Variants in PAK5 observed in about 807,000 individuals in gnomAD.
PAK5 encodes p21 (RAC1) activated kinase 5.
A neutral mutation model predicts 65.9 loss-of-function variants in PAK5; 16 were observed. That is an observed-to-expected ratio of 0.24 (90% confidence interval 0.16 to 0.37). The LOEUF is 0.37. Ranked by LOEUF, PAK5 falls within the 10% of genes least tolerant of loss-of-function variation. PAK5 has a pLI of 1.00. For synonymous variants in PAK5, 371 were observed against 354.9 expected (o/e 1.05, Z -0.51); for missense variants, 785 against 903.9 (o/e 0.87, Z 1.69).
rs192672696 is a variant in PAK5 at position 9,641,544 on chromosome 20, C to T, written c.204+2581G>A. 7.7e-3 allele frequency among the ~76,000 whole-genome samples: 1,159 copies of T among 150,822 alleles called. 22 individuals are homozygous for T. Among genetic ancestry groups the T allele is most frequent in the African/African-American group, 0.027 (1,090 of 40,756 alleles). On this transcript the variant is annotated intron_variant, in intron 3 of 9. Coordinates refer to ENST00000353224, the MANE Select transcript of PAK5 (RefSeq NM_177990.4). ...TGGCTTCACCTAGTGGATCCCGCAC[C>T]GGGGCTGCAGGTGGAGCTGCCTGCC...
rs149437765 is a variant in PAK5 at position 9,752,597 on chromosome 20, G to A, written c.-161-41162C>T. On this transcript the variant is annotated intron_variant, in intron 1 of 9. Transcript: ENST00000353224. ...TTTGATCATTACACATTGTATATAT[G>A]CATCAAAATATCACACATAGCCCAT... Among the ~76,000 whole-genome samples the A allele has an allele frequency of 2.6e-4, 40 of 152,056 alleles. No homozygotes were observed. In the East Asian group the frequency reaches 5.0e-3, roughly 19 times the overall value.
intron 3 of PAK5, among the ~76,000 whole-genome samples, chr20:9,643,288 C>T (rs1224311854): frequency 2.6e-5 from 4 of 152,124 alleles, no homozygotes; most frequent in Non-Finnish European, 5.9e-5. Context: ...CCATAGAGAA[C>T]TTTTGGGCAA....
Position 9,736,764 on chromosome 20 carries a change from T to C in PAK5, c.-161-25329A>G, listed in dbSNP as rs547587122. Among the ~76,000 whole-genome samples the C allele has an allele frequency of 3.3e-5, 5 of 152,324 alleles. No individual in the cohort carries two copies. The East Asian group carries it at 7.7e-4, about 23-fold the overall frequency. On this transcript the variant is annotated intron_variant, in intron 1 of 9. Coordinates refer to ENST00000353224, the MANE Select transcript of PAK5 (RefSeq NM_177990.4). ...CGCTTATGTGGCCAAATTGGCTTTG[T>C]CTGTTCAGAGAATTCTGAAGTCTGG...
chr20:9,763,902 A>C (rs1191035150), intron 1 of PAK5, among the ~76,000 whole-genome samples: 1 of 152,166 alleles, frequency 6.6e-6, no homozygotes, highest in Non-Finnish European at 1.5e-5. Context: ...ATATATGCGT[A>C]TCCTTTTTTT....
intron 1 of PAK5, among the ~76,000 whole-genome samples, chr20:9,717,432 G>A (rs1302548813): frequency 6.6e-6 from 1 of 152,142 alleles, no homozygotes; most frequent in Non-Finnish European, 1.5e-5. Flanking sequence ...TTTTTACCAA[G>A]TACAAAACCA....
At chr20:9,802,861 G>A (rs561768999) in intron 1 of PAK5, among the ~76,000 whole-genome samples, 110 of 126,164 alleles carry the variant, frequency 8.7e-4, no homozygotes, top group African/African-American at 2.8e-3. Context: ...AACTAGAAAC[G>A]GGGTTTAATT....
chr20:9,545,953 A>ACACC lies in PAK5; in HGVS notation c.1744-1463_1744-1460dup, dbSNP rs544002018. On this transcript the variant is annotated intron_variant, in intron 7 of 9. Coordinates refer to ENST00000353224, the MANE Select transcript of PAK5 (RefSeq NM_177990.4). ...AAAAAAAACTATCTCTGTGGCTTCAACACCCACAATAGTGCTTGGCCCATG... is the reference window on the plus strand; with the variant it reads ...AAAAAAAACTATCTCTGTGGCTTCAACACCCACCCACAATAGTGCTTGGCCCATG... Among the ~76,000 whole-genome samples, 194 of 152,284 alleles carry ACACC rather than the reference A, an allele frequency of 1.3e-3. 2 individuals carry two copies. In the East Asian group the frequency reaches 0.032, roughly 25 times the overall value.
intron 1 of PAK5, among the ~76,000 whole-genome samples, chr20:9,715,414 G>A (rs1400614612): frequency 3.9e-5 from 6 of 152,092 alleles, no homozygotes; most frequent in African/African-American, 4.8e-5. Flanking sequence ...TGGAGAGGAT[G>A]TGGAGAAATA....
At chr20:9,815,786 G>A (rs1462534352) in intron 1 of PAK5, among the ~76,000 whole-genome samples, 2 of 152,092 alleles carry the variant, frequency 1.3e-5, no homozygotes, top group African/African-American at 4.8e-5. Context: ...CTACTCAGGG[G>A]AAAATAAAAT....
intron 1 of PAK5, among the ~76,000 whole-genome samples, chr20:9,775,920 G>T (rs886853785): frequency 6.6e-6 from 1 of 152,054 alleles, no homozygotes; most frequent in Non-Finnish European, 1.5e-5. Context: ...AAGATAAATT[G>T]ATTTTTCTTC....
chr20:9,565,966 T>C lies in PAK5; in HGVS notation c.1409A>G (p.His470Arg), dbSNP rs774909461. ...TGIVCIATEK[H>R]TGKQVAVKKM... The stretch of plus-strand genomic sequence containing the variant: ...CTTCACTGCAACTTGTTTCCCTGTG[T>C]GTTTCTCGGTGGCGATGCATACGAT... Residue 470 changes from histidine (H) to arginine (R), a missense_variant, in exon 5 of 10, where the codon CAC becomes CGC. This residue lies in a region of PAK5 where 182 missense variants were observed against 273.0 expected (regional missense o/e 0.67). Transcript: ENST00000353224. 3 of 1,614,024 alleles carry C rather than the reference T, an allele frequency of 1.9e-6. No homozygotes were observed. Among genetic ancestry groups the C allele is most frequent in the South Asian group, 2.2e-5 (2 of 91,064 alleles).
chr20:9,761,462 A>ACAAT (rs1298852826), intron 1 of PAK5, among the ~76,000 whole-genome samples: 1 of 152,222 alleles, frequency 6.6e-6, no homozygotes, highest in African/African-American at 2.4e-5. Flanking sequence ...TCTACCCTGC[A>ACAAT]CAATCTATAG....
At chr20:9,689,397 T>G (rs1285748991) in intron 2 of PAK5, among the ~76,000 whole-genome samples, 1 of 152,188 alleles carries the variant, frequency 6.6e-6, no homozygotes, top group African/African-American at 2.4e-5. Context: ...CAATAGCAGA[T>G]GGACACTCAA....
intron 7 of PAK5, among the ~76,000 whole-genome samples, chr20:9,547,627 G>A (rs1424188142): frequency 1.3e-5 from 2 of 152,192 alleles, no homozygotes; most frequent in African/African-American, 4.8e-5. Context: ...AAAGAAGGGA[G>A]TTCCCAGAGT....
chr20:9,784,078 G>A (rs979577285), intron 1 of PAK5, among the ~76,000 whole-genome samples: 1 of 152,106 alleles, frequency 6.6e-6, no homozygotes, highest in Non-Finnish European at 1.5e-5. Context: ...AGTGTCCTCT[G>A]AATAATCTAC....
At chr20:9,793,457 A>C (rs1015100592) in intron 1 of PAK5, among the ~76,000 whole-genome samples, 14 of 152,280 alleles carry the variant, frequency 9.2e-5, no homozygotes, top group Non-Finnish European at 1.2e-4. Context: ...GAATTGTGAA[A>C]CAAGTTCCAG....
At chr20:9,678,454 C>A (rs1348920580) in intron 2 of PAK5, among the ~76,000 whole-genome samples, 1 of 152,140 alleles carries the variant, frequency 6.6e-6, no homozygotes, top group Non-Finnish European at 1.5e-5. Flanking sequence ...GTAGTCCCAG[C>A]TACGCAGGAG....
At position 9,753,183 on chromosome 20, in the gene PAK5, C is replaced by T. The variant is rs182313091; in HGVS notation, c.-161-41748G>A. ...TGGAGACCAATAAGTGACATAAATG[C>T]TTGTTCTAAATTGCTAAATTTTGAA... On this transcript the variant is annotated intron_variant, in intron 1 of 9. Transcript: ENST00000353224. 1.4e-3 allele frequency among the ~76,000 whole-genome samples: 217 copies of T among 152,184 alleles called. 2 individuals are homozygous for T. The highest frequency in any genetic ancestry group is 4.1e-3 in the African/African-American group (171 of 41,536).
intron 1 of PAK5, among the ~76,000 whole-genome samples, chr20:9,774,966 G>T (rs2048872343): frequency 6.6e-6 from 1 of 151,834 alleles, no homozygotes; most frequent in Admixed American, 6.6e-5. Context: ...AAAAACAAAC[G>T]AACGAACAAA....
Sources: gnomAD v4.1 joint callset for allele counts (sites outside exome capture counted in the v4.1 genomes callset) on GRCh38, gnomAD v4.1.1 for gene constraint, gnomAD v4.1.1 regional missense constraint, MANE v1.5 for transcripts, NCBI Gene and HGNC (gene_info 2026-07-23, HGNC 2026-07-21) for gene names.